Variants in DNAJC5 observed in about 807,000 individuals in gnomAD.
DNAJC5 encodes the protein DnaJ heat shock protein family (Hsp40) member C5.
In DNAJC5, 1 loss-of-function variant was observed where a neutral mutation model predicts 23.2. The ratio of observed to expected loss-of-function variants is 0.04; its 90% CI spans 0.02 to 0.20. The LOEUF is 0.20. Among genes scored for constraint, DNAJC5 ranks in the 10% least tolerant of loss-of-function variants. The pLI is 1.00. For synonymous variants in DNAJC5, 136 were observed against 120.0 expected (o/e 1.13, Z -0.87); for missense variants, 180 against 267.0 (o/e 0.67, Z 2.27).
chr20:63,910,422 A>T (rs1600865552), intron 1 of DNAJC5, among the ~76,000 whole-genome samples: 1 of 152,030 alleles, frequency 6.6e-6, no homozygotes, highest in Non-Finnish European at 1.5e-5. Flanking sequence ...GAGTGCCTGT[A>T]GTCCCAGCTA....
rs528394634 is a variant in DNAJC5 at position 63,934,837 on chromosome 20, C to G, written c.*3269C>G. 1.0e-3 allele frequency: 152 copies of G among 152,392 alleles called. No individual in the cohort carries two copies. Among genetic ancestry groups the G allele is most frequent in the African/African-American group, 3.6e-3 (150 of 41,586 alleles). 9.4% of individuals were successfully genotyped at this position (152,392 alleles called of 1,614,324 possible). A position where few individuals can be genotyped will look rare whatever the true frequency, so the allele number is the denominator to read the frequency against. On this transcript the variant is annotated 3_prime_UTR_variant, in exon 5 of 5. Coordinates refer to ENST00000360864, the MANE Select transcript of DNAJC5 (RefSeq NM_025219.3). ...AGCCTCACGCCGTCGAGGCTGCTCT[C>G]AGGCGTTCTGTTCCGGGCGAGGCTT...
chr20:63,902,842 A>C (rs1373961745), intron 1 of DNAJC5, among the ~76,000 whole-genome samples: 1 of 148,764 alleles, frequency 6.7e-6, no homozygotes, highest in African/African-American at 2.5e-5. Flanking sequence ...CGCCCAGCTA[A>C]TGTTTTTTGT....
At chr20:63,915,265 A>G (rs2053508683) in intron 1 of DNAJC5, among the ~76,000 whole-genome samples, 1 of 152,186 alleles carries the variant, frequency 6.6e-6, no homozygotes, top group African/African-American at 2.4e-5. Context: ...AAAAGGGGAA[A>G]AACAGATTGA....
At chr20:63,901,405 C>T (rs900229939) in intron 1 of DNAJC5, among the ~76,000 whole-genome samples, 3 of 152,190 alleles carry the variant, frequency 2.0e-5, no homozygotes, top group African/African-American at 7.2e-5. Flanking sequence ...GAGAGCTCTC[C>T]CTGCCCTGTG....
chr20:63,907,550 C>A (rs895878238), intron 1 of DNAJC5, among the ~76,000 whole-genome samples: 1 of 152,112 alleles, frequency 6.6e-6, no homozygotes, highest in African/African-American at 2.4e-5. Flanking sequence ...ACAGGTGACC[C>A]CAGAGCTACC....
intron 1 of DNAJC5, among the ~76,000 whole-genome samples, chr20:63,913,427 C>G (rs1262430745): frequency 1.2e-4 from 18 of 151,084 alleles, no homozygotes; most frequent in African/African-American, 4.4e-4. Context: ...GACAGAGTCT[C>G]GCTCTGTTGC....
At chr20:63,900,097 C>A (rs1042545321) in intron 1 of DNAJC5, among the ~76,000 whole-genome samples, 1 of 150,834 alleles carries the variant, frequency 6.6e-6, no homozygotes, top group African/African-American at 2.4e-5. Flanking sequence ...CCATGTTGGC[C>A]AGGCTGGTCT....
chr20:63,916,681 T>C (rs959027280), intron 1 of DNAJC5, among the ~76,000 whole-genome samples: 4 of 152,196 alleles, frequency 2.6e-5, no homozygotes, highest in African/African-American at 9.7e-5. Context: ...CTAGTAAGCC[T>C]GAGGGTACTG....
rs1357427216 is a variant in DNAJC5, at chr20:63,933,681, A to T, written c.*2113A>T. The T allele has an allele frequency of 6.6e-6, 1 of 152,256 alleles. No individual in the cohort carries two copies. Among genetic ancestry groups the T allele is most frequent in the Admixed American group, 6.6e-5 (1 of 15,260 alleles). The allele number at this position is 152,256 out of a possible 1,614,324, so 9.4% of individuals were successfully genotyped here. A position where few individuals can be genotyped will look rare whatever the true frequency, so the allele number is the denominator to read the frequency against. On this transcript the variant is annotated 3_prime_UTR_variant, in exon 5 of 5. Coordinates refer to ENST00000360864, the MANE Select transcript of DNAJC5 (RefSeq NM_025219.3). ...ATGCTGGCTGTACTCAGCCTTTGCA[A>T]TTTTTGTAGATGTAGCTTAGGACGT...
Position 63,928,285 on chromosome 20 carries a change from G to T in DNAJC5, c.-11-50G>T. 2 of 1,444,534 alleles carry T rather than the reference G, an allele frequency of 1.4e-6. No individual in the cohort carries two copies. Among genetic ancestry groups the T allele is most frequent in the South Asian group, 1.1e-5 (1 of 87,396 alleles). The allele number at this position is 1,444,534 out of a possible 1,614,324, so 89.5% of individuals were successfully genotyped here. A position where few individuals can be genotyped will look rare whatever the true frequency, so the allele number is the denominator to read the frequency against. On this transcript the variant is annotated intron_variant, in intron 1 of 4. Transcript: ENST00000360864. The surrounding 1 kb of genome is among the most constrained non-coding windows in gnomAD (Gnocchi z 4.6). ...AATAAAGTCCATCAGCTCTGCCCTT[G>T]GTACTTTCATCTATACTTTGTGATA...
rs140106848 is a variant in DNAJC5, at chr20:63,932,318, G to T, written c.*750G>T. On this transcript the variant is annotated 3_prime_UTR_variant, in exon 5 of 5. Transcript: ENST00000360864. The surrounding 1 kb of genome is among the most constrained non-coding windows in gnomAD (Gnocchi z 4.4). ...GTCGTCTCGTCGTGTGGACGCTGCC[G>T]TTCTGGTTCTCGGAGGTGTGTCCTT... 214 of 152,782 alleles carry T rather than the reference G, an allele frequency of 1.4e-3. No homozygotes were observed. The highest frequency in any genetic ancestry group is 5.2e-3 in the South Asian group (25 of 4,794). The allele number at this position is 152,782 out of a possible 1,614,324, so 9.5% of individuals were successfully genotyped here.
intron 1 of DNAJC5, among the ~76,000 whole-genome samples, chr20:63,906,128 T>C (rs957319649): frequency 6.6e-6 from 1 of 152,208 alleles, no homozygotes; most frequent in Non-Finnish European, 1.5e-5. Flanking sequence ...AATTAAAATA[T>C]AGCCAATAAA....
intron 1 of DNAJC5, among the ~76,000 whole-genome samples, chr20:63,916,366 C>T (rs1369690432): frequency 2.0e-5 from 3 of 152,182 alleles, no homozygotes; most frequent in African/African-American, 4.8e-5. Flanking sequence ...CTGGGCCCCC[C>T]GGGTGACATC....
intron 1 of DNAJC5, among the ~76,000 whole-genome samples, chr20:63,915,437 AAAG>A (rs1173626463): frequency 1.3e-5 from 2 of 152,100 alleles, no homozygotes; most frequent in Non-Finnish European, 2.9e-5. Flanking sequence ...AAAAAAAAAA[AAAG>A]CTTGTGCTCA....
Position 63,934,686 on chromosome 20 carries a change from C to G in DNAJC5, c.*3118C>G, listed in dbSNP as rs2053703210. The G allele has an allele frequency of 6.6e-6, 1 of 152,244 alleles. No homozygotes were observed. Among genetic ancestry groups the G allele is most frequent in the Non-Finnish European group, 1.5e-5 (1 of 68,056 alleles). 9.4% of individuals were successfully genotyped at this position (152,244 alleles called of 1,614,324 possible). The stretch of plus-strand genomic sequence containing the variant: ...TCAGTGTTTGTGAACTTTCCTAGTT[C>G]TCTATGTTGTTAGTGCAGCCAGCAC... On this transcript the variant is annotated 3_prime_UTR_variant, in exon 5 of 5. Coordinates refer to ENST00000360864, the MANE Select transcript of DNAJC5 (RefSeq NM_025219.3).
intron 1 of DNAJC5, among the ~76,000 whole-genome samples, chr20:63,905,115 T>TA (rs986160026): frequency 6.7e-6 from 1 of 150,246 alleles, no homozygotes; most frequent in African/African-American, 2.5e-5. Flanking sequence ...TTTTTTTTTT[T>TA]TCCTGTCTTT....
At chr20:63,925,891 G>C (rs1424758808) in intron 1 of DNAJC5, among the ~76,000 whole-genome samples, 5 of 147,050 alleles carry the variant, frequency 3.4e-5, no homozygotes, top group Non-Finnish European at 1.5e-5. Context: ...GCAGTGGTGC[G>C]ATCTCTGCTC....
Position 63,928,221 on chromosome 20 carries a change from A to G in DNAJC5, c.-11-114A>G. The stretch of plus-strand genomic sequence containing the variant: ...GTCTGTGCACGTGGCAAACTCCACA[A>G]GGCAGTGTTGGATTCTTTTGCTTTG... On this transcript the variant is annotated intron_variant, in intron 1 of 4. Coordinates refer to ENST00000360864, the MANE Select transcript of DNAJC5 (RefSeq NM_025219.3). This position sits in a 1 kb window ranked among gnomAD's most constrained non-coding sequence, Gnocchi z 4.6. 1.2e-6 allele frequency: 1 copy of G among 855,760 alleles called. No individual in the cohort carries two copies. The highest frequency in any genetic ancestry group is 1.4e-5 in the South Asian group (1 of 70,868). The allele number at this position is 855,760 out of a possible 1,614,324, so 53.0% of individuals were successfully genotyped here. A position where few individuals can be genotyped will look rare whatever the true frequency, so the allele number is the denominator to read the frequency against.
intron 1 of DNAJC5, among the ~76,000 whole-genome samples, chr20:63,908,301 A>G (rs924708355): frequency 6.6e-6 from 1 of 152,194 alleles, no homozygotes; most frequent in Non-Finnish European, 1.5e-5. Flanking sequence ...TGAGTGTGGG[A>G]AAGTCAGGGC....
Sources: allele counts gnomAD v4.1 joint callset (sites outside exome capture counted in the v4.1 genomes callset), GRCh38; gene constraint gnomAD v4.1.1; non-coding constraint Gnocchi (gnomAD v3.1); transcripts MANE v1.5; gene names NCBI Gene and HGNC (gene_info 2026-07-23, HGNC 2026-07-21).